Variants in ZNF783 observed in about 807,000 individuals in gnomAD.
ZNF783 encodes zinc finger protein 783.
In ZNF783, 25 loss-of-function variants were observed where a neutral mutation model predicts 31.3. The observed-to-expected ratio is 0.80, with a 90% CI of 0.58 to 1.11. ZNF783 has a LOEUF of 1.11. ZNF783 is among the 50% of genes most tolerant of loss of function. The pLI, the probability that ZNF783 is intolerant of heterozygous loss-of-function variation, is 0.00. For missense variants in ZNF783, 797 were observed against 760.0 expected (o/e 1.05, Z -0.57); for synonymous variants, 369 against 319.1 (o/e 1.16, Z -1.66).
chr7:149,265,505 C>T (rs914486924), intron 1 of ZNF783, among the ~76,000 whole-genome samples: 5 of 152,200 alleles, frequency 3.3e-5, no homozygotes, highest in Non-Finnish European at 4.4e-5. Flanking sequence ...TCATTGTATC[C>T]TCACGTGGCA....
chr7:149,266,603 T>A lies in ZNF783; in HGVS notation c.293T>A (p.Val98Glu). 1 of 1,614,062 alleles carries A rather than the reference T, an allele frequency of 6.2e-7. No homozygotes were observed. The highest frequency in any genetic ancestry group is 8.5e-7 in the Non-Finnish European group (1 of 1,180,006). ...AACCAGCTGGAGGGCAAGTGGGCCG[T>A]GCTGGGGACCTTGCTGCAGGAGTAC... ...FGNQLEGKWA[V>E]LGTLLQEYGL... The change falls in exon 2 of 6, where the codon GTG becomes GAG. Residue 98 changes from valine (V) to glutamate (E), a missense_variant. Physicochemically the swap from Val to Glu is moderately radical, Grantham distance 121 (BLOSUM62 -2). Coordinates refer to ENST00000434415, the MANE Select transcript of ZNF783 (RefSeq NM_001195220.2).
At chr7:149,264,308 G>A (rs1324196217) in intron 1 of ZNF783, among the ~76,000 whole-genome samples, 3 of 152,132 alleles carry the variant, frequency 2.0e-5, no homozygotes, top group South Asian at 2.1e-4. Flanking sequence ...TCTAGGATGC[G>A]TTGTCTATGC....
At chr7:149,267,007 C>T in intron 3 of ZNF783, 62 bp downstream of exon 3, 1 of 1,613,220 alleles carries the variant, frequency 6.2e-7, no homozygotes, top group Non-Finnish European at 8.5e-7. Flanking sequence ...CAGTCTGTGT[C>T]TTTGCTTTGG....
In ZNF783 at chr7:149,262,285, C is replaced by A; in HGVS notation, c.-49C>A. On this transcript the variant is annotated 5_prime_UTR_variant, in exon 1 of 6. Transcript: ENST00000434415. ...CGTCGCTGCCGCGCCGCCCCGGGCC[C>A]GACAGGCCGGGTCCAGGGACTGCAA... is the stretch of plus-strand genomic sequence containing the variant. The A allele has an allele frequency of 7.5e-7, 1 of 1,337,908 alleles. No individual in the cohort carries two copies. The highest frequency in any genetic ancestry group is 9.6e-7 in the Non-Finnish European group (1 of 1,041,676). 82.9% of individuals were successfully genotyped at this position (1,337,908 alleles called of 1,614,324 possible). A position where few individuals can be genotyped will look rare whatever the true frequency, so the allele number is the denominator to read the frequency against.
chr7:149,281,388 G>GT (rs1470705438), intron 5 of ZNF783, 117 bp from the exon 6 acceptor site: 1 of 840,498 alleles, frequency 1.2e-6, no homozygotes, highest in Non-Finnish European at 1.7e-6. Context: ...GCAATGTGCT[G>GT]TGAGCACTGT....
At chr7:149,263,286 GTGTGT>G (rs976350487) in intron 1 of ZNF783, among the ~76,000 whole-genome samples, 1 of 98,812 alleles carries the variant, frequency 1.0e-5, no homozygotes, top group African/African-American at 4.5e-5. Context: ...GTGTGTGTGT[GTGTGT>G]GTGTGTGTGT....
chr7:149,269,146 G>A (rs1323927537), intron 4 of ZNF783, among the ~76,000 whole-genome samples: 1 of 152,154 alleles, frequency 6.6e-6, no homozygotes, highest in Non-Finnish European at 1.5e-5. Flanking sequence ...CATTCTGACT[G>A]GTGTGAGATG....
At chr7:149,275,057 T>C (rs1055801743) in intron 4 of ZNF783, among the ~76,000 whole-genome samples, 2 of 152,232 alleles carry the variant, frequency 1.3e-5, no homozygotes, top group African/African-American at 2.4e-5. Flanking sequence ...TTTTTTGGTG[T>C]CCTCTTCAAT....
rs764995998 is a variant in ZNF783, at chr7:149,278,498, C to T, written c.773C>T (p.Ala258Val). Reference protein sequence around the residue: ...QAPKQQQDSEARVAPAGPEAG... With the variant: ...QAPKQQQDSEVRVAPAGPEAG... ...CCCAAGCAGCAGCAGGACTCAGAGG[C>T]GAGAGTGGCCCCAGCCGGGCCAGAA... The change falls in exon 5 of 6, where the codon GCG becomes GTG. Residue 258 changes from alanine (A) to valine (V), a missense_variant. Physicochemically the swap from Ala to Val is moderately conservative, Grantham distance 64. Transcript: ENST00000434415. 7.5e-6 allele frequency: 12 copies of T among 1,599,098 alleles called. No homozygotes were observed. In the South Asian group the frequency reaches 7.7e-5, roughly 10 times the overall value.
rs1554480462 is a variant in ZNF783, at chr7:149,282,965, T to TTTGTTG, written c.*634_*639dup. 15,331 of 131,098 alleles carry TTTGTTG rather than the reference T, an allele frequency of 0.12. 1,089 individuals are homozygous for TTTGTTG. Among genetic ancestry groups the TTTGTTG allele is most frequent in the Non-Finnish European group, 0.17 (9,821 of 58,962 alleles). The allele number at this position is 131,098 out of a possible 1,614,324, so 8.1% of individuals were successfully genotyped here. ...AGCCTGTGGGTCTTTTGGTTTTTTT[T>TTTGTTG]TTGTTGTTGTTGTTGTTTTTTTAAG... On this transcript the variant is annotated 3_prime_UTR_variant, in exon 6 of 6. Transcript: ENST00000434415.
chr7:149,271,201 G>C (rs909517423), intron 4 of ZNF783, among the ~76,000 whole-genome samples: 1 of 152,350 alleles, frequency 6.6e-6, no homozygotes, highest in East Asian at 1.9e-4. Context: ...GCCTTCCAAA[G>C]TGCTGGGATT....
chr7:149,274,207 A>G (rs1797271694), intron 4 of ZNF783, among the ~76,000 whole-genome samples: 1 of 152,096 alleles, frequency 6.6e-6, no homozygotes, highest in Non-Finnish European at 1.5e-5. Context: ...TCGAGGTCTT[A>G]TATTTAAGTT....
intron 4 of ZNF783, chr7:149,275,514 T>A (rs1387078264): frequency 2.6e-5 from 4 of 152,096 alleles, no homozygotes; most frequent in Non-Finnish European, 5.9e-5. Context: ...AGACGGGGTT[T>A]CACTGTGTTA....
At chr7:149,264,159 C>T (rs902625800) in intron 1 of ZNF783, among the ~76,000 whole-genome samples, 8 of 152,224 alleles carry the variant, frequency 5.3e-5, no homozygotes, top group African/African-American at 1.2e-4. Flanking sequence ...CAGAATTTTT[C>T]TCCTGGAGAA....
chr7:149,279,183 C>A (rs183412481), intron 5 of ZNF783, among the ~76,000 whole-genome samples: 8 of 152,370 alleles, frequency 5.3e-5, no homozygotes, highest in African/African-American at 1.9e-4. Context: ...TGGGTATCTT[C>A]CCCACTGGAT....
rs1797088649 is a variant in ZNF783 at position 149,266,938 on chromosome 7, C to T, written c.540C>T (p.Val180=). Residue 180 remains valine, a synonymous_variant, in exon 3 of 6, where the codon GTC becomes GTT. Coordinates refer to ENST00000434415, the MANE Select transcript of ZNF783 (RefSeq NM_001195220.2). ...TGAGGGGCAACTACGAGACGCTGGT[C>T]TCCCTGGGTAAGGCCACGGAGGGAG... The part of the protein sequence containing the change: ...HVMRGNYETL[V]SLDYAISKPD... The T allele has an allele frequency of 6.2e-7, 1 of 1,613,978 alleles. No homozygotes were observed. Among genetic ancestry groups the T allele is most frequent in the Admixed American group, 1.7e-5 (1 of 60,002 alleles).
At position 149,281,707 on chromosome 7, in the gene ZNF783, G is replaced by A. The variant is rs537254967; in HGVS notation, c.1005G>A (p.Gly335=). The change falls in exon 6 of 6, where the codon GGG becomes GGA. Residue 335 remains glycine, a synonymous_variant. Coordinates refer to ENST00000434415, the MANE Select transcript of ZNF783 (RefSeq NM_001195220.2). ...AGEPRPPGAS[G]ETPRVLSRRR... ...AGCCACGGCCACCGGGGGCCAGTGGGGAGACGCCCCGAGTCCTCTCCCGCA... is the reference window on the plus strand; with the variant it reads ...AGCCACGGCCACCGGGGGCCAGTGGAGAGACGCCCCGAGTCCTCTCCCGCA... 4 of 1,490,672 alleles carry A rather than the reference G, an allele frequency of 2.7e-6. No individual in the cohort carries two copies. In the African/African-American group the frequency reaches 5.7e-5, roughly 21 times the overall value. The allele number at this position is 1,490,672 out of a possible 1,614,324, so 92.3% of individuals were successfully genotyped here. A position where few individuals can be genotyped will look rare whatever the true frequency, so the allele number is the denominator to read the frequency against.
chr7:149,278,690 G>A (rs1038210335), intron 5 of ZNF783, among the ~76,000 whole-genome samples, 163 bp downstream of exon 5: 3 of 152,202 alleles, frequency 2.0e-5, no homozygotes, highest in Non-Finnish European at 4.4e-5. Context: ...AGAGGCCCCT[G>A]AGACAGGCCT....
At chr7:149,263,298 GTGTGTGTATATATATATA>G (rs1157189777) in intron 1 of ZNF783, among the ~76,000 whole-genome samples, 5 of 68,034 alleles carry the variant, frequency 7.3e-5, no homozygotes, top group African/African-American at 2.9e-4. Flanking sequence ...GTGTGTGTGT[GTGTGTGTATATATATATA>G]TATATATATT....
Sources: gnomAD v4.1 joint callset for allele counts (sites outside exome capture counted in the v4.1 genomes callset) on GRCh38, gnomAD v4.1.1 for gene constraint, MANE v1.5 for transcripts, NCBI Gene and HGNC (gene_info 2026-07-23, HGNC 2026-07-21) for gene names.